Variants in NETO1 observed in about 807,000 individuals in gnomAD.
NETO1 encodes the protein neuropilin and tolloid-like protein 1.
NETO1 carries 26 observed loss-of-function variants against 61.3 expected under a neutral mutation model. The ratio of observed to expected loss-of-function variants is 0.42; its 90% CI spans 0.31 to 0.59. The LOEUF is 0.59. Ranked by LOEUF, NETO1 falls within the 20% of genes least tolerant of loss-of-function variation. NETO1 has a pLI of 0.12. For synonymous variants in NETO1, 225 were observed against 225.8 expected (o/e 1.00, Z 0.03); for missense variants, 531 against 662.8 (o/e 0.80, Z 2.18).
intron 4 of NETO1, among the ~76,000 whole-genome samples, chr18:72,837,412 A>G (rs2073785801): frequency 6.6e-6 from 1 of 152,212 alleles, no homozygotes; most frequent in Non-Finnish European, 1.5e-5. Flanking sequence ...AAACTGAGTC[A>G]AAGTATTATT....
rs1599072017 is a variant in NETO1 at position 72,746,809 on chromosome 18, A to G, written c.*1370T>C. 6.6e-6 allele frequency among the ~76,000 whole-genome samples: 1 copy of G among 152,052 alleles called. No homozygotes were observed. The highest frequency in any genetic ancestry group is 2.1e-4 in the South Asian group (1 of 4,836). On this transcript the variant is annotated 3_prime_UTR_variant, in exon 11 of 11. Transcript: ENST00000327305. ...TCTTATTTTAAAAATTTATTTTGTA[A>G]GATTACACATTGAATATTTTAAAAA...
At chr18:72,851,933 C>A (rs1053268440) in intron 4 of NETO1, among the ~76,000 whole-genome samples, 5 of 152,122 alleles carry the variant, frequency 3.3e-5, no homozygotes, top group African/African-American at 1.2e-4. Flanking sequence ...AGTACCTGAA[C>A]CCAGGCCACA....
At chr18:72,782,271 C>T (rs2071768497) in intron 7 of NETO1, among the ~76,000 whole-genome samples, 1 of 152,096 alleles carries the variant, frequency 6.6e-6, no homozygotes, top group Non-Finnish European at 1.5e-5. Flanking sequence ...TCATTTGATT[C>T]CATGCCTTTA....
intron 3 of NETO1, among the ~76,000 whole-genome samples, chr18:72,860,629 C>G (rs2074542219): frequency 1.3e-5 from 2 of 152,012 alleles, no homozygotes; most frequent in Non-Finnish European, 2.9e-5. Context: ...ATTTATAACT[C>G]ATGCAAGAAA....
intron 7 of NETO1, among the ~76,000 whole-genome samples, chr18:72,775,031 T>G (rs1434947294): frequency 6.6e-6 from 1 of 152,200 alleles, no homozygotes; most frequent in South Asian, 2.1e-4. Context: ...AAAATGAAGT[T>G]TAGCTGGGCA....
intron 4 of NETO1, among the ~76,000 whole-genome samples, chr18:72,800,926 A>C (rs574084805): frequency 2.6e-5 from 4 of 152,314 alleles, no homozygotes; most frequent in African/African-American, 9.6e-5. Flanking sequence ...TAAATGTATC[A>C]CATTAGACAC....
At chr18:72,791,233 A>G (rs1048908086) in intron 6 of NETO1, among the ~76,000 whole-genome samples, 1 of 152,252 alleles carries the variant, frequency 6.6e-6, no homozygotes, top group African/African-American at 2.4e-5. Flanking sequence ...CTGGTAAAGC[A>G]GTAAATAATG....
chr18:72,811,337 G>T (rs1217632759), intron 4 of NETO1, among the ~76,000 whole-genome samples: 1 of 152,096 alleles, frequency 6.6e-6, no homozygotes. Flanking sequence ...ATTTTACACA[G>T]ACAGCCTCCT....
At chr18:72,795,759 C>T (rs1054907739) in intron 4 of NETO1, among the ~76,000 whole-genome samples, 14 of 152,168 alleles carry the variant, frequency 9.2e-5, no homozygotes, top group African/African-American at 3.4e-4. Context: ...ATAGTGAGAA[C>T]ACTTAAAATC....
intron 4 of NETO1, among the ~76,000 whole-genome samples, chr18:72,857,085 T>G (rs1307132280): frequency 6.6e-6 from 1 of 152,220 alleles, no homozygotes; most frequent in African/African-American, 2.4e-5. Flanking sequence ...TTTGCTGTCA[T>G]GTAAGTTTTC....
At chr18:72,825,112 A>G (rs2073334008) in intron 4 of NETO1, among the ~76,000 whole-genome samples, 1 of 152,204 alleles carries the variant, frequency 6.6e-6, no homozygotes, top group Non-Finnish European at 1.5e-5. Context: ...ATATGATGTT[A>G]TAACATGATT....
At chr18:72,802,624 C>G (rs1398187505) in intron 4 of NETO1, among the ~76,000 whole-genome samples, 1 of 152,190 alleles carries the variant, frequency 6.6e-6, no homozygotes, top group African/African-American at 2.4e-5. Flanking sequence ...TTTTGGTTAA[C>G]TTTCCAATCC....
chr18:72,806,067 G>A (rs1030542491), intron 4 of NETO1, among the ~76,000 whole-genome samples: 17 of 152,090 alleles, frequency 1.1e-4, no homozygotes, highest in African/African-American at 2.2e-4. Context: ...TGTAGGCTTC[G>A]TGGGGGGTGG....
chr18:72,803,032 T>C (rs1347461081), intron 4 of NETO1, among the ~76,000 whole-genome samples: 1 of 152,202 alleles, frequency 6.6e-6, no homozygotes, highest in Non-Finnish European at 1.5e-5. Flanking sequence ...TCATTTCTGC[T>C]TGAAAAGCAT....
chr18:72,755,186 T>C (rs2070745317), intron 8 of NETO1, among the ~76,000 whole-genome samples: 1 of 152,188 alleles, frequency 6.6e-6, no homozygotes, highest in Non-Finnish European at 1.5e-5. Context: ...ATAAGATCAC[T>C]TAGTAAATTT....
chr18:72,796,848 G>A (rs2072332688), intron 4 of NETO1, among the ~76,000 whole-genome samples: 1 of 152,032 alleles, frequency 6.6e-6, no homozygotes. Context: ...GGACATCATA[G>A]ATCATTTGGA....
Position 72,815,858 on chromosome 18 carries a change from C to T in NETO1, c.470-21454G>A, listed in dbSNP as rs542298018. ...ATAACACAGCTGTGTTATTTAGTGG[C>T]AGAAAGTCTGGCAATACTCCTGGGT... On this transcript the variant is annotated intron_variant, in intron 4 of 10. Transcript: ENST00000327305. 3.9e-5 allele frequency among the ~76,000 whole-genome samples: 6 copies of T among 152,144 alleles called. No individual in the cohort carries two copies. The South Asian group carries it at 1.2e-3, about 32-fold the overall frequency.
At chr18:72,835,257 A>T (rs539121384) in intron 4 of NETO1, 1 of 1,548,364 alleles carries the variant, frequency 6.5e-7, no homozygotes, top group Admixed American at 1.7e-5. Context: ...CAGAGATGAG[A>T]TGATGGAGAA....
chr18:72,750,139 A>G lies in NETO1; in HGVS notation c.1464T>C (p.Asp488=), dbSNP rs376128689. Residue 488 remains aspartate (D), a synonymous_variant, in exon 9 of 11, where the codon GAT becomes GAC. Transcript: ENST00000327305. Reference sequence around the variant, plus strand: ...CTTCGATTTCATCTATGTCACAGGCATCTGCAGCATCTTGCGAGTAGCTGT... The same window carrying G: ...CTTCGATTTCATCTATGTCACAGGCGTCTGCAGCATCTTGCGAGTAGCTGT... The part of the protein sequence containing the change: ...MKHSYSQDAA[D]ACDIDEIEEV... The G allele has an allele frequency of 1.9e-5, 31 of 1,613,752 alleles. No individual in the cohort carries two copies. In the African/African-American group the frequency reaches 3.2e-4, roughly 17 times the overall value.
Sources: gnomAD v4.1 joint callset for allele counts (sites outside exome capture counted in the v4.1 genomes callset) on GRCh38, gnomAD v4.1.1 for gene constraint, MANE v1.5 for transcripts, NCBI Gene and HGNC (gene_info 2026-07-23, HGNC 2026-07-21) for gene names.